TRPM2: variants seen among roughly 807,000 people sequenced by gnomAD.
TRPM2 encodes the protein estrogen-responsive element-associated gene 1 protein.
A neutral mutation model predicts 174.0 loss-of-function variants in TRPM2; 161 were observed. That is an observed-to-expected ratio of 0.93 (90% CI 0.81 to 1.05). TRPM2 has a LOEUF of 1.05. TRPM2 is among the 50% of genes least tolerant of loss of function. The probability of loss-of-function intolerance (pLI) is 0.00; values close to 1 mark genes in which losing one functional copy is unlikely to be tolerated. For synonymous variants in TRPM2, 954 were observed against 861.3 expected (o/e 1.11, Z -1.88); for missense variants, 2,057 against 2,038.0 (o/e 1.01, Z -0.18).
chr21:44,404,739 G>T (rs1013892698), intron 16 of TRPM2, among the ~76,000 whole-genome samples: 3 of 150,496 alleles, frequency 2.0e-5, no homozygotes, highest in African/African-American at 7.4e-5. Context: ...CAAGGATAGT[G>T]ATGATAGTGA....
rs1023034806 is a variant in TRPM2, at chr21:44,432,318, G to A, written c.3975-2813G>A. On this transcript the variant is annotated intron_variant, in intron 27 of 31. Transcript: ENST00000397928. This position sits in a 1 kb window ranked among gnomAD's most constrained non-coding sequence, Gnocchi z 4.9. ...CAGCCCTTCGTGTTCCTTGGCTTGT[G>A]ATCTCTGCCTCCCTAGCCACATGGC... Among the ~76,000 whole-genome samples the A allele has an allele frequency of 6.6e-6, 1 of 152,182 alleles. No homozygotes were observed. Among genetic ancestry groups the A allele is most frequent in the East Asian group, 1.9e-4 (1 of 5,202 alleles).
intron 31 of TRPM2, 120 bp downstream of exon 31, chr21:44,441,025 G>A: frequency 2.3e-6 from 2 of 862,464 alleles, no homozygotes; most frequent in Non-Finnish European, 3.8e-6. Flanking sequence ...AACTCTGTAT[G>A]GGCGTGGCCT....
rs1320944960 is a variant in TRPM2, at chr21:44,375,933, C to T, written c.872C>T (p.Thr291Ile). 1.2e-6 allele frequency: 2 copies of T among 1,613,980 alleles called. No individual in the cohort carries two copies. Among genetic ancestry groups the T allele is most frequent in the Non-Finnish European group, 1.7e-6 (2 of 1,180,012 alleles). ...HSHFILVDDGTHGQYGVEIPL... is the reference protein window; with the variant it reads ...HSHFILVDDGIHGQYGVEIPL... ...CACTTCATCCTCGTGGACGACGGGACCCACGGCCAGTACGGGGTGGAGATT... is the reference window on the plus strand; with the variant it reads ...CACTTCATCCTCGTGGACGACGGGATCCACGGCCAGTACGGGGTGGAGATT... Residue 291 changes from threonine (T) to isoleucine (I), a missense_variant, in exon 6 of 32, where the codon ACC becomes ATC. Transcript: ENST00000397928.
intron 8 of TRPM2, 81 bp downstream of exon 8, chr21:44,379,278 T>C: frequency 6.6e-7 from 1 of 1,509,590 alleles, no homozygotes; most frequent in Non-Finnish European, 9.0e-7. Flanking sequence ...GGACCAGGAC[T>C]CATGGACCGA....
intron 16 of TRPM2, among the ~76,000 whole-genome samples, chr21:44,403,826 C>T (rs1200800043): frequency 2.0e-5 from 3 of 151,894 alleles, no homozygotes; most frequent in Non-Finnish European, 2.9e-5. Flanking sequence ...CACATGCACA[C>T]ACATGCATAC....
intron 27 of TRPM2, among the ~76,000 whole-genome samples, chr21:44,428,831 C>A (rs2050926495): frequency 6.6e-6 from 1 of 151,546 alleles, no homozygotes; most frequent in South Asian, 2.1e-4. Flanking sequence ...GGCTCCTCCC[C>A]TTACGTCTGG....
upstream of TRPM2, among the ~76,000 whole-genome samples, chr21:44,351,427 C>G (rs1025773315): frequency 6.6e-6 from 1 of 152,230 alleles, no homozygotes; most frequent in African/African-American, 2.4e-5. Flanking sequence ...TGGAAATCCA[C>G]CCACATGGGG....
chr21:44,425,763 A>T lies in TRPM2; in HGVS notation c.3731A>T (p.His1244Leu). ...GACAGCTACCACGTGAATGCCCGGCACCTCCTCTACCCCAACTGCCCTGTC... is the reference window on the plus strand; with the variant it reads ...GACAGCTACCACGTGAATGCCCGGCTCCTCCTCTACCCCAACTGCCCTGTC... ...PGDSYHVNAR[H>L]LLYPNCPVTR... Residue 1244 changes from histidine to leucine, a missense_variant, in exon 25 of 32, where the codon CAC (histidine) becomes CTC (leucine). Physicochemically the swap from His to Leu is moderately conservative, Grantham distance 99. Coordinates refer to ENST00000397928, the MANE Select transcript of TRPM2 (RefSeq NM_003307.4). 6.3e-7 allele frequency: 1 copy of T among 1,596,042 alleles called. No homozygotes were observed.
chr21:44,412,141 T>C (rs892930314), intron 19 of TRPM2, among the ~76,000 whole-genome samples: 1 of 152,192 alleles, frequency 6.6e-6, no homozygotes, highest in African/African-American at 2.4e-5. Flanking sequence ...CCTCCTCTTA[T>C]ATTTTGGAAG....
chr21:44,440,125 T>G lies in TRPM2; in HGVS notation c.4270-664T>G, dbSNP rs188060826. On this transcript the variant is annotated intron_variant, in intron 30 of 31. Transcript: ENST00000397928. ...GCTGAGGTGGGTAGATCACTTGAGG[T>G]CAGGAGTTCGAGACCAGCCTGGCCA... Among the ~76,000 whole-genome samples the G allele has an allele frequency of 9.4e-3, 1,412 of 150,832 alleles. 26 individuals are homozygous for G. Among genetic ancestry groups the G allele is most frequent in the African/African-American group, 0.033 (1,349 of 41,276 alleles).
intron 16 of TRPM2, among the ~76,000 whole-genome samples, chr21:44,403,783 A>G (rs1601164121): frequency 6.6e-6 from 1 of 151,810 alleles, no homozygotes. Context: ...ATGCATGCAC[A>G]CATACAAATA....
At chr21:44,397,681 T>C in intron 12 of TRPM2, 66 bp from the exon 13 acceptor site, 1 of 1,488,056 alleles carries the variant, frequency 6.7e-7, no homozygotes, top group Non-Finnish European at 9.0e-7. Context: ...TGGGGCAGTG[T>C]GTTGGGTTCC....
rs144820545 is a variant in TRPM2, at chr21:44,377,135, G to A, written c.953-577G>A. On this transcript the variant is annotated intron_variant, in intron 6 of 31. Coordinates refer to ENST00000397928, the MANE Select transcript of TRPM2 (RefSeq NM_003307.4). ...TCTGGGGTGGGATGTGTGGGTGAGT[G>A]TGTGAAGACGATGGGCCCATGGGGG... 3.3e-5 allele frequency among the ~76,000 whole-genome samples: 5 copies of A among 152,346 alleles called. No homozygotes were observed. The East Asian group carries it at 9.6e-4, about 29-fold the overall frequency.
rs200254205 is a variant in TRPM2, at chr21:44,397,844, C to G, written c.2030C>G (p.Ala677Gly). ...EDTDSSEEMLALAEEYEHRAI... is the reference protein window; with the variant it reads ...EDTDSSEEMLGLAEEYEHRAI... ...ACGGACAGCTCGGAGGAGATGCTGG[C>G]GCTGGCGGAGGAGTATGAGCACAGA... The change falls in exon 13 of 32, where the codon GCG (alanine) becomes GGG (glycine). Residue 677 changes from alanine (A) to glycine (G), a missense_variant. Ala to Gly is a moderately conservative substitution (Grantham distance 60). Coordinates refer to ENST00000397928, the MANE Select transcript of TRPM2 (RefSeq NM_003307.4). 1 of 1,606,798 alleles carries G rather than the reference C, an allele frequency of 6.2e-7. No individual in the cohort carries two copies. The highest frequency in any genetic ancestry group is 8.5e-7 in the Non-Finnish European group (1 of 1,176,996).
Position 44,427,126 on chromosome 21 carries a change from T to A in TRPM2, c.3974+15T>A. 1 of 1,563,732 alleles carries A rather than the reference T, an allele frequency of 6.4e-7. No individual in the cohort carries two copies. Among genetic ancestry groups the A allele is most frequent in the Non-Finnish European group, 8.7e-7 (1 of 1,153,030 alleles). On this transcript the variant is annotated intron_variant, in intron 27 of 31. Transcript: ENST00000397928. Reference sequence around the variant, plus strand: ...GGGTTGCCCCTGTGAGTGTGCCCCCTGCGGGCCCCGCCCCGTCAGCCTTTG... The same window carrying A: ...GGGTTGCCCCTGTGAGTGTGCCCCCAGCGGGCCCCGCCCCGTCAGCCTTTG...
intron 5 of TRPM2, among the ~76,000 whole-genome samples, chr21:44,373,567 GCGACCTGCA>G (rs1488718678): frequency 9.6e-6 from 1 of 103,782 alleles, no homozygotes; most frequent in African/African-American, 3.2e-5. Context: ...TGCATTATAT[GCGACCTGCA>G]TTATATGCGA....
chr21:44,410,354 G>A lies in TRPM2; in HGVS notation c.2963-3537G>A, dbSNP rs559438393. On this transcript the variant is annotated intron_variant, in intron 19 of 31. Transcript: ENST00000397928. Reference sequence around the variant, plus strand: ...TGACCACACTGTCTTGGTTGGTGTAGCCTTGTAGTAAGTTTTGACCACACT... The same window carrying A: ...TGACCACACTGTCTTGGTTGGTGTAACCTTGTAGTAAGTTTTGACCACACT... Among the ~76,000 whole-genome samples, 123 of 83,624 alleles carry A rather than the reference G, an allele frequency of 1.5e-3. 33 individuals carry two copies. In the South Asian group the frequency reaches 0.049, roughly 33 times the overall value. The allele number at this position is 83,624 out of a possible 152,430, so 54.9% of individuals were successfully genotyped here.
At chr21:44,418,588 A>G (rs768727674) in intron 22 of TRPM2, 33 bp downstream of exon 22, 4 of 1,611,484 alleles carry the variant, frequency 2.5e-6, no homozygotes, top group Middle Eastern at 1.7e-4. Context: ...GGGGGCGGGA[A>G]GCCTCTGGGG....
chr21:44,402,082 T>C (rs2049639258), intron 16 of TRPM2, among the ~76,000 whole-genome samples, 185 bp downstream of exon 16: 1 of 152,032 alleles, frequency 6.6e-6, no homozygotes, highest in African/African-American at 2.4e-5. Flanking sequence ...CCCTCCCTCC[T>C]CATGCCCCCT....
Sources: gnomAD v4.1 joint callset for allele counts (sites outside exome capture counted in the v4.1 genomes callset) on GRCh38, gnomAD v4.1.1 for gene constraint, Gnocchi (gnomAD v3.1) non-coding constraint, MANE v1.5 for transcripts, NCBI Gene and HGNC (gene_info 2026-07-23, HGNC 2026-07-21) for gene names.